Variants in NCAM2 observed in about 807,000 individuals in gnomAD.
NCAM2 encodes N-CAM-2.
NCAM2 carries 30 observed loss-of-function variants against 98.1 expected under a neutral mutation model. That is an observed-to-expected ratio of 0.31 (90% CI 0.23 to 0.41). The LOEUF (loss-of-function observed/expected upper bound fraction) is 0.41. Ranked by LOEUF, NCAM2 falls within the 10% of genes least tolerant of loss-of-function variation. The probability of loss-of-function intolerance (pLI) is 1.00; values close to 1 mark genes in which losing one functional copy is unlikely to be tolerated. For missense variants in NCAM2, 867 were observed against 1,005.8 expected (o/e 0.86, Z 1.87); for synonymous variants, 368 against 342.4 (o/e 1.07, Z -0.83).
intron 1 of NCAM2, among the ~76,000 whole-genome samples, chr21:21,054,113 T>TA (rs2065166279): frequency 6.6e-6 from 1 of 151,976 alleles, no homozygotes; most frequent in Non-Finnish European, 1.5e-5. Flanking sequence ...CTCTACTTTT[T>TA]ATAAAATAAA....
At chr21:21,269,536 G>A (rs2147416787) in intron 1 of NCAM2, among the ~76,000 whole-genome samples, 1 of 152,220 alleles carries the variant, frequency 6.6e-6, no homozygotes, top group East Asian at 1.9e-4. Context: ...ACCTACACAT[G>A]CCTTGTAATA....
At chr21:21,437,573 C>T (rs1978574962) in intron 12 of NCAM2, among the ~76,000 whole-genome samples, 1 of 151,458 alleles carries the variant, frequency 6.6e-6, no homozygotes, top group South Asian at 2.1e-4. Flanking sequence ...CCCACTTCAT[C>T]TCCCCATTTT....
chr21:21,211,606 A>G (rs1161769634), intron 1 of NCAM2, among the ~76,000 whole-genome samples: 3 of 152,180 alleles, frequency 2.0e-5, no homozygotes, highest in Admixed American at 6.5e-5. Context: ...AAAACAAAAC[A>G]AACAACACAA....
intron 3 of NCAM2, among the ~76,000 whole-genome samples, chr21:21,285,708 G>A (rs1436976100): frequency 6.6e-6 from 1 of 151,798 alleles, no homozygotes; most frequent in Non-Finnish European, 1.5e-5. Context: ...CACTTATTAG[G>A]TGTGTATCCA....
At chr21:21,083,821 AC>A (rs562358902) in intron 1 of NCAM2, among the ~76,000 whole-genome samples, 2 of 152,188 alleles carry the variant, frequency 1.3e-5, no homozygotes, top group South Asian at 4.1e-4. Context: ...TCTCCCAATG[AC>A]AGCATTTTGG....
At chr21:21,432,605 G>A (rs918313042) in intron 12 of NCAM2, among the ~76,000 whole-genome samples, 1 of 151,018 alleles carries the variant, frequency 6.6e-6, no homozygotes, top group African/African-American at 2.4e-5. Context: ...GTATGCTCAT[G>A]TTTCATTTAT....
At chr21:21,490,996 C>A (rs966619689) in intron 15 of NCAM2, among the ~76,000 whole-genome samples, 5 of 151,710 alleles carry the variant, frequency 3.3e-5, no homozygotes, top group Non-Finnish European at 7.4e-5. Context: ...TACGTGTTTT[C>A]TTTATTACTG....
chr21:21,333,392 T>C (rs2074768792), intron 6 of NCAM2, among the ~76,000 whole-genome samples: 1 of 152,192 alleles, frequency 6.6e-6, no homozygotes, highest in South Asian at 2.1e-4. Context: ...TTCCTTGTCA[T>C]ATCTCCCGTT....
chr21:21,082,281 C>CAAAAAAAAAAAAA (rs11384165), intron 1 of NCAM2, among the ~76,000 whole-genome samples: 4 of 127,852 alleles, frequency 3.1e-5, no homozygotes, highest in Non-Finnish European at 4.8e-5. Flanking sequence ...GAGCTCAAAA[C>CAAAAAAAAAAAAA]AAAAAAAAAA....
rs369386481 is a variant in NCAM2 at position 21,222,144 on chromosome 21, C to T, written c.56-58434C>T. ...TTAAGCCTACAGTTGAGACCTACTA[C>T]GCAAGAAAAAAGATTCTTTCAAATA... On this transcript the variant is annotated intron_variant, in intron 1 of 17. Transcript: ENST00000400546. Among the ~76,000 whole-genome samples the T allele has an allele frequency of 4.5e-4, 68 of 152,186 alleles. 2 individuals are homozygous for T. The South Asian group carries it at 6.4e-3, about 14-fold the overall frequency.
chr21:21,452,223 T>A (rs1047983026), intron 12 of NCAM2, among the ~76,000 whole-genome samples: 6 of 143,314 alleles, frequency 4.2e-5, no homozygotes, highest in African/African-American at 1.5e-4. Context: ...CACATATATA[T>A]TATATACACA....
intron 1 of NCAM2, among the ~76,000 whole-genome samples, chr21:21,092,923 A>G (rs1241736569): frequency 2.6e-5 from 4 of 152,080 alleles, no homozygotes; most frequent in African/African-American, 9.7e-5. Flanking sequence ...TAACAATGTA[A>G]GTTTTCAAAT....
At chr21:21,497,863 A>G (rs1987354923) in intron 15 of NCAM2, among the ~76,000 whole-genome samples, 1 of 152,178 alleles carries the variant, frequency 6.6e-6, no homozygotes, top group Admixed American at 6.5e-5. Context: ...TGTAAAACAT[A>G]TATAAATAAG....
At chr21:21,490,854 A>G (rs1209265901) in intron 15 of NCAM2, among the ~76,000 whole-genome samples, 2 of 151,786 alleles carry the variant, frequency 1.3e-5, no homozygotes, top group African/African-American at 2.4e-5. Flanking sequence ...CTTATTTAAA[A>G]CCCTCAACAT....
At chr21:21,181,582 G>A (rs571439469) in intron 1 of NCAM2, among the ~76,000 whole-genome samples, 4 of 152,176 alleles carry the variant, frequency 2.6e-5, no homozygotes, top group Non-Finnish European at 4.4e-5. Context: ...CACATCCTTC[G>A]TAGGACAGCT....
chr21:21,303,945 C>T (rs764573025), intron 5 of NCAM2, among the ~76,000 whole-genome samples: 5 of 152,020 alleles, frequency 3.3e-5, no homozygotes, highest in Non-Finnish European at 7.4e-5. Flanking sequence ...AAATATTTAA[C>T]GTAGTTTTAA....
At chr21:21,092,529 GA>G (rs1458436913) in intron 1 of NCAM2, among the ~76,000 whole-genome samples, 1 of 151,852 alleles carries the variant, frequency 6.6e-6, no homozygotes, top group African/African-American at 2.4e-5. Context: ...GTGACTCATA[GA>G]AACTACCTGC....
At chr21:21,202,363 C>A (rs952155708) in intron 1 of NCAM2, among the ~76,000 whole-genome samples, 2 of 147,170 alleles carry the variant, frequency 1.4e-5, no homozygotes, top group African/African-American at 5.0e-5. Flanking sequence ...GAATACTTAT[C>A]ATTAAAGTAT....
intron 1 of NCAM2, among the ~76,000 whole-genome samples, chr21:21,146,463 C>G (rs1300572722): frequency 6.7e-6 from 1 of 149,554 alleles, no homozygotes; most frequent in Non-Finnish European, 1.5e-5. Flanking sequence ...CAGCATTTTC[C>G]AGAGAAACAG....
Sources: gnomAD v4.1 joint callset for allele counts (sites outside exome capture counted in the v4.1 genomes callset) on GRCh38, gnomAD v4.1.1 for gene constraint, MANE v1.5 for transcripts, NCBI Gene and HGNC (gene_info 2026-07-23, HGNC 2026-07-21) for gene names.